The following ZMYM4 variants were observed in gnomAD, a reference collection of about 807,000 sequenced individuals.
ZMYM4 encodes zinc finger MYM-type protein 4.
Under a neutral mutation model 183.2 loss-of-function variants are expected in ZMYM4, and 31 were observed. The ratio of observed to expected loss-of-function variants is 0.17; its 90% CI spans 0.13 to 0.23. The LOEUF is 0.23. Ranked by LOEUF, ZMYM4 falls within the 10% of genes least tolerant of loss-of-function variation. The probability of loss-of-function intolerance (pLI) is 1.00; values close to 1 mark genes in which losing one functional copy is unlikely to be tolerated. For synonymous variants in ZMYM4, 592 were observed against 631.2 expected (o/e 0.94, Z 0.93); for missense variants, 1,273 against 1,840.3 (o/e 0.69, Z 5.64).
intron 7 of ZMYM4, among the ~76,000 whole-genome samples, chr1:35,374,209 T>C (rs1644283975): frequency 6.6e-6 from 1 of 151,680 alleles, no homozygotes; most frequent in Non-Finnish European, 1.5e-5. Flanking sequence ...TTTTTTTGTA[T>C]TTTTAGTAGA....
At chr1:35,334,737 T>C (rs1369888387) in intron 2 of ZMYM4, among the ~76,000 whole-genome samples, 2 of 152,216 alleles carry the variant, frequency 1.3e-5, no homozygotes, top group Admixed American at 6.5e-5. Flanking sequence ...ATTCAGGATT[T>C]TTAACTTTGA....
chr1:35,387,637 A>C, intron 13 of ZMYM4, 33 bp downstream of exon 13: 1 of 1,575,568 alleles, frequency 6.3e-7, no homozygotes, highest in Non-Finnish European at 8.6e-7. Context: ...CCTACTGAGC[A>C]TGTTGGTTGT....
intron 1 of ZMYM4, among the ~76,000 whole-genome samples, chr1:35,270,662 AGGCAG>A (rs1475661534): frequency 1.3e-5 from 2 of 152,140 alleles, no homozygotes; most frequent in African/African-American, 2.4e-5. Context: ...CGGGAGGCTG[AGGCAG>A]GGGAATCGCT....
chr1:35,414,671 G>A (rs1158199311), intron 27 of ZMYM4, among the ~76,000 whole-genome samples: 1 of 152,180 alleles, frequency 6.6e-6, no homozygotes, highest in Non-Finnish European at 1.5e-5. Context: ...TGCAATCTAT[G>A]AGCTAAAAAT....
chr1:35,419,757 A>T lies in ZMYM4; in HGVS notation c.*80A>T, dbSNP rs1640262605. ...GCATCCAGCTGTTGGAAAATGATGT[A>T]TAAGTCTAAGTCCTCTTGACTTGAC... On this transcript the variant is annotated 3_prime_UTR_variant, in exon 30 of 30. Transcript: ENST00000314607. 8.3e-6 allele frequency: 12 copies of T among 1,438,480 alleles called. No individual in the cohort carries two copies. The highest frequency in any genetic ancestry group is 1.1e-5 in the Non-Finnish European group (11 of 1,039,244). 89.1% of individuals were successfully genotyped at this position (1,438,480 alleles called of 1,614,324 possible).
At chr1:35,337,115 T>A (rs942720790) in intron 2 of ZMYM4, among the ~76,000 whole-genome samples, 6 of 152,140 alleles carry the variant, frequency 3.9e-5, no homozygotes, top group Non-Finnish European at 8.8e-5. Context: ...TCCCAGCACT[T>A]CGGGAAGCTG....
intron 1 of ZMYM4, among the ~76,000 whole-genome samples, chr1:35,292,761 A>G (rs986417513): frequency 1.3e-5 from 2 of 152,084 alleles, no homozygotes; most frequent in Admixed American, 6.5e-5. Flanking sequence ...CGGCCTCCCA[A>G]AGTGCTGGGA....
intron 5 of ZMYM4, chr1:35,365,981 T>TC (rs34128470): frequency 6.6e-6 from 1 of 152,186 alleles, no homozygotes; most frequent in Non-Finnish European, 1.5e-5. Context: ...GCTAAAGGAA[T>TC]CCAGCAGAAG....
At chr1:35,387,684 C>CGA in intron 13 of ZMYM4, 80 bp downstream of exon 13, 2 of 1,409,844 alleles carry the variant, frequency 1.4e-6, no homozygotes, top group South Asian at 2.9e-5. Context: ...CTTTCACTGT[C>CGA]TAAGTTAATC....
Position 35,380,173 on chromosome 1 carries a change from G to A in ZMYM4, c.1182-1086G>A, listed in dbSNP as rs529493391. On this transcript the variant is annotated intron_variant, in intron 7 of 29. Transcript: ENST00000314607. The stretch of plus-strand genomic sequence containing the variant: ...ATAATCTTTTCTTTAAAAGTATCCT[G>A]CTAGTGTAATCTCTTTAAGATACAA... Among the ~76,000 whole-genome samples, 13 of 152,228 alleles carry A rather than the reference G, an allele frequency of 8.5e-5. 2 individuals are homozygous for A. The highest frequency in any genetic ancestry group is 2.6e-4 in the African/African-American group (11 of 41,540).
chr1:35,399,419 TAAGTC>T (rs1366348116), intron 22 of ZMYM4, 58 bp from the exon 23 acceptor site: 5 of 1,434,330 alleles, frequency 3.5e-6, no homozygotes, highest in Admixed American at 3.6e-5. Flanking sequence ...TTTACTAGTC[TAAGTC>T]TTTATTTAAA....
intron 1 of ZMYM4, among the ~76,000 whole-genome samples, chr1:35,319,100 G>A (rs1439875404): frequency 6.6e-6 from 1 of 151,988 alleles, no homozygotes; most frequent in South Asian, 2.1e-4. Flanking sequence ...GGCTGGTCTC[G>A]AACTCCCGAC....
chr1:35,351,258 C>G (rs1249865446), intron 2 of ZMYM4: 1 of 1,575,474 alleles, frequency 6.3e-7, no homozygotes, highest in East Asian at 2.2e-5. Flanking sequence ...CAAACGATTC[C>G]CTGGTTATGA....
rs141317277 is a variant in ZMYM4 at position 35,308,032 on chromosome 1, C to T, written c.40-17328C>T. Among the ~76,000 whole-genome samples, 700 of 151,958 alleles carry T rather than the reference C, an allele frequency of 4.6e-3. 3 individuals carry two copies. Among genetic ancestry groups the T allele is most frequent in the Admixed American group, 6.9e-3 (106 of 15,256 alleles). ...TTTTTGAGATGGAATCTCGATATCA[C>T]CCAGGCTGGAGTGCAGTGGCTCAAT... is the stretch of plus-strand genomic sequence containing the variant. On this transcript the variant is annotated intron_variant, in intron 1 of 29. Coordinates refer to ENST00000314607, the MANE Select transcript of ZMYM4 (RefSeq NM_005095.3).
At chr1:35,318,843 T>C (rs2148804964) in intron 1 of ZMYM4, among the ~76,000 whole-genome samples, 1 of 152,316 alleles carries the variant, frequency 6.6e-6, no homozygotes, top group Non-Finnish European at 1.5e-5. Flanking sequence ...ATATTAGTTA[T>C]ACAATATTTT....
chr1:35,361,892 T>G, intron 5 of ZMYM4, 103 bp downstream of exon 5: 5 of 1,435,106 alleles, frequency 3.5e-6, no homozygotes, highest in Non-Finnish European at 4.7e-6. Flanking sequence ...GTTGACAGGG[T>G]GAAAGGAAAC....
chr1:35,333,596 G>C (rs991837274), intron 2 of ZMYM4, among the ~76,000 whole-genome samples: 1 of 151,978 alleles, frequency 6.6e-6, no homozygotes, highest in Non-Finnish European at 1.5e-5. Context: ...TGGCTTTTCT[G>C]TTGGCTTGGC....
chr1:35,392,437 T>C (rs1644727430), intron 16 of ZMYM4, 85 bp downstream of exon 16: 1 of 1,507,634 alleles, frequency 6.6e-7, no homozygotes, highest in African/African-American at 1.4e-5. Context: ...GGGATTATTT[T>C]CATACATTTG....
rs974315637 is a variant in ZMYM4 at position 35,286,306 on chromosome 1, G to GA, written c.39+17231dup. Among the ~76,000 whole-genome samples, 36 of 147,952 alleles carry GA rather than the reference G, an allele frequency of 2.4e-4. 1 individual carries two copies. Among genetic ancestry groups the GA allele is most frequent in the South Asian group, 8.5e-4 (4 of 4,684 alleles). On this transcript the variant is annotated intron_variant, in intron 1 of 29. Coordinates refer to ENST00000314607, the MANE Select transcript of ZMYM4 (RefSeq NM_005095.3). ...ATTTCATTTACATTAGAGTCAAGAA[G>GA]AAAAAAAAAATACTGAAACACCTGT...
Sources: allele counts gnomAD v4.1 joint callset (sites outside exome capture counted in the v4.1 genomes callset), GRCh38; gene constraint gnomAD v4.1.1; transcripts MANE v1.5; gene names NCBI Gene and HGNC (gene_info 2026-07-23, HGNC 2026-07-21).